Variants in GYS1 observed in about 807,000 individuals in gnomAD.
GYS1 encodes the protein glycogen [starch] synthase, muscle.
In GYS1, 60 loss-of-function variants were observed where a neutral mutation model predicts 89.1. That is an observed-to-expected ratio of 0.67 (90% CI 0.55 to 0.84). The LOEUF (loss-of-function observed/expected upper bound fraction) is 0.84. GYS1 is among the 40% of genes least tolerant of loss of function. GYS1 has a pLI of 0.00. For synonymous variants in GYS1, 366 were observed against 401.7 expected, an observed-to-expected ratio of 0.91 and a Z score of 1.06; for missense variants, 888 against 1,003.1, an observed-to-expected ratio of 0.89 and a Z score of 1.55.
At chr19:48,970,188 G>A (rs2038537189) in intron 14 of GYS1, 11 of 468,190 alleles carry the variant, frequency 2.3e-5, no homozygotes, top group Middle Eastern at 1.2e-3. Context: ...CAGTGGGTTT[G>A]AACAAGGCTC....
intron 7 of GYS1, 52 bp downstream of exon 7, chr19:48,982,203 G>C (rs1454375511): frequency 6.3e-7 from 1 of 1,597,482 alleles, no homozygotes; most frequent in African/African-American, 1.3e-5. Flanking sequence ...GTTCTCCCTA[G>C]TTATAAACTG....
intron 10 of GYS1, among the ~76,000 whole-genome samples, chr19:48,975,163 C>T (rs2038625802): frequency 6.6e-6 from 1 of 151,840 alleles, no homozygotes; most frequent in Non-Finnish European, 1.5e-5. Context: ...GATCTCCTGA[C>T]CTCGTGATCC....
At chr19:48,977,810 G>A (rs2038682038) in intron 10 of GYS1, 114 bp downstream of exon 10, 2 of 797,598 alleles carry the variant, frequency 2.5e-6, no homozygotes, top group Admixed American at 1.9e-5. Flanking sequence ...CTTCATAAAG[G>A]GCTGCAGGAG....
Position 48,974,139 on chromosome 19 carries a change from A to G in GYS1, c.1549+74T>C. The G allele has an allele frequency of 4.7e-6, 7 of 1,477,966 alleles. No homozygotes were observed. The Admixed American group carries it at 1.4e-4, about 29-fold the overall frequency. The allele number at this position is 1,477,966 out of a possible 1,614,324, so 91.6% of individuals were successfully genotyped here. On this transcript the variant is annotated intron_variant, in intron 12 of 15. Coordinates refer to ENST00000323798, the MANE Select transcript of GYS1 (RefSeq NM_002103.5). The stretch of plus-strand genomic sequence containing the variant: ...GAAGGCAACAGGCTCAGAGAAGGCC[A>G]GTGCCTCGCCCCAAGACATGCTAGC...
rs1439335380 is a variant in GYS1, at chr19:48,991,864, G to C, written c.119-381C>G. Reference sequence around the variant, plus strand: ...TGACTACCCGGACTCAGGTTCCCGAGTTCCCAGCTCACAGGAGCTGGGTTT... The same window carrying C: ...TGACTACCCGGACTCAGGTTCCCGACTTCCCAGCTCACAGGAGCTGGGTTT... On this transcript the variant is annotated intron_variant, in intron 1 of 15. Transcript: ENST00000323798. The surrounding 1 kb of genome is among the most constrained non-coding windows in gnomAD (Gnocchi z 4.7). 6.6e-6 allele frequency among the ~76,000 whole-genome samples: 1 copy of C among 152,076 alleles called. No homozygotes were observed. Among genetic ancestry groups the C allele is most frequent in the African/African-American group, 2.4e-5 (1 of 41,374 alleles).
At chr19:48,988,700 G>A (rs535169158) in intron 2 of GYS1, among the ~76,000 whole-genome samples, 7 of 152,140 alleles carry the variant, frequency 4.6e-5, no homozygotes, top group Admixed American at 2.0e-4. Context: ...CTGAAGCTTC[G>A]ATCTCCCAGG....
In GYS1 at chr19:48,970,539, G is replaced by A. The variant is rs750481025; in HGVS notation, c.1809+7C>T. 8 of 1,612,460 alleles carry A rather than the reference G, an allele frequency of 5.0e-6. No homozygotes were observed. Among genetic ancestry groups the A allele is most frequent in the Non-Finnish European group, 6.8e-6 (8 of 1,179,210 alleles). ...GCCAGGAGAGGATAGGAAAGTGGGG[G>A]TCCTACCCGGCCTAGGTATTTCCAG... On this transcript the variant is annotated splice_region_variant and intron_variant, in intron 14 of 15. Coordinates refer to ENST00000323798, the MANE Select transcript of GYS1 (RefSeq NM_002103.5).
chr19:48,985,785 C>T, intron 4 of GYS1, 65 bp downstream of exon 4: 2 of 1,575,886 alleles, frequency 1.3e-6, no homozygotes, highest in Non-Finnish European at 1.7e-6. Flanking sequence ...TCCCCTTGGG[C>T]CCCCCAGAGC....
chr19:48,970,338 CTT>C (rs1040865279), intron 14 of GYS1: 17 of 578,438 alleles, frequency 2.9e-5, no homozygotes, highest in Non-Finnish European at 5.2e-5. Flanking sequence ...AGGCTGGTCT[CTT>C]AACTCCTGAG....
chr19:48,991,518 C>T lies in GYS1; in HGVS notation c.119-35G>A, dbSNP rs1183866375. ...CAAGCGTGTGAGGGCAGGCCCCGGC[C>T]GAGGTCCATAGTTCTGGGGCCTGGG... is the stretch of plus-strand genomic sequence containing the variant. On this transcript the variant is annotated intron_variant, in intron 1 of 15. Coordinates refer to ENST00000323798, the MANE Select transcript of GYS1 (RefSeq NM_002103.5). This position sits in a 1 kb window ranked among gnomAD's most constrained non-coding sequence, Gnocchi z 4.7. 6 of 1,522,616 alleles carry T rather than the reference C, an allele frequency of 3.9e-6. No homozygotes were observed. Among genetic ancestry groups the T allele is most frequent in the African/African-American group, 1.4e-5 (1 of 72,512 alleles). 94.3% of individuals were successfully genotyped at this position (1,522,616 alleles called of 1,614,324 possible). A position where few individuals can be genotyped will look rare whatever the true frequency, so the allele number is the denominator to read the frequency against.
intron 5 of GYS1, among the ~76,000 whole-genome samples, chr19:48,985,197 A>G (rs1335139421): frequency 6.6e-6 from 1 of 152,072 alleles, no homozygotes; most frequent in Admixed American, 6.6e-5. Flanking sequence ...GGATACAGGC[A>G]CACACCATGT....
In GYS1 at chr19:48,991,572, CTCAGG is replaced by C; in HGVS notation, c.119-94_119-90del. On this transcript the variant is annotated intron_variant, in intron 1 of 15. Transcript: ENST00000323798. This position sits in a 1 kb window ranked among gnomAD's most constrained non-coding sequence, Gnocchi z 4.7. ...GGGTGGGCCGGGGATGTAGGGGGCACTCAGGCCCCAGACCTCTAGCTCAGGGGGAA... is the reference window on the plus strand; with the variant it reads ...GGGTGGGCCGGGGATGTAGGGGGCACCCCCAGACCTCTAGCTCAGGGGGAA... 11 of 1,399,054 alleles carry C rather than the reference CTCAGG, an allele frequency of 7.9e-6. No homozygotes were observed. Among genetic ancestry groups the C allele is most frequent in the Non-Finnish European group, 1.1e-5 (11 of 992,900 alleles). The allele number at this position is 1,399,054 out of a possible 1,614,324, so 86.7% of individuals were successfully genotyped here. A position where few individuals can be genotyped will look rare whatever the true frequency, so the allele number is the denominator to read the frequency against.
At chr19:48,973,126 T>C (rs997491357) in intron 12 of GYS1, among the ~76,000 whole-genome samples, 5 of 152,182 alleles carry the variant, frequency 3.3e-5, no homozygotes, top group Non-Finnish European at 7.3e-5. Context: ...GTTCTCATGA[T>C]AGTGAGTGAA....
Position 48,969,623 on chromosome 19 carries a change from G to C in GYS1, c.1891-12C>G. 6.5e-7 allele frequency: 1 copy of C among 1,548,764 alleles called. No individual in the cohort carries two copies. Among genetic ancestry groups the C allele is most frequent in the African/African-American group, 1.4e-5 (1 of 73,252 alleles). On this transcript the variant is annotated splice_polypyrimidine_tract_variant and intron_variant, in intron 15 of 15. Coordinates refer to ENST00000323798, the MANE Select transcript of GYS1 (RefSeq NM_002103.5). ...CGGTACCCCTGGGCCTGCATACGGCGATGTGGGTGCAAACCAGGGTGAGCT... is the reference window on the plus strand; with the variant it reads ...CGGTACCCCTGGGCCTGCATACGGCCATGTGGGTGCAAACCAGGGTGAGCT...
Position 48,991,560 on chromosome 19 carries a change from A to T in GYS1, c.119-77T>A. ...GGGCCTGGGGTGGGGTGGGCCGGGG[A>T]TGTAGGGGGCACTCAGGCCCCAGAC... On this transcript the variant is annotated intron_variant, in intron 1 of 15. Coordinates refer to ENST00000323798, the MANE Select transcript of GYS1 (RefSeq NM_002103.5). This position sits in a 1 kb window ranked among gnomAD's most constrained non-coding sequence, Gnocchi z 4.7. 6.7e-7 allele frequency: 1 copy of T among 1,482,406 alleles called. No homozygotes were observed. Among genetic ancestry groups the T allele is most frequent in the Non-Finnish European group, 9.4e-7 (1 of 1,066,170 alleles). The allele number at this position is 1,482,406 out of a possible 1,614,324, so 91.8% of individuals were successfully genotyped here. A position where few individuals can be genotyped will look rare whatever the true frequency, so the allele number is the denominator to read the frequency against.
chr19:48,979,336 CTTTTTTTTTTTTTTTTTTTTTTTTTTTT>C (rs777178030), intron 8 of GYS1, among the ~76,000 whole-genome samples: 7 of 92,748 alleles, frequency 7.5e-5, no homozygotes, highest in Non-Finnish European at 1.3e-4. Flanking sequence ...TTTTTCTTTT[CTTTTTTTTTTTTTTTTTTTTTTTTTTTT>C]TTTTTTTTTT....
At chr19:48,971,554 G>C (rs145924200) in intron 12 of GYS1, among the ~76,000 whole-genome samples, 318 of 149,966 alleles carry the variant, frequency 2.1e-3, no homozygotes, top group African/African-American at 7.2e-3. Context: ...GGATTTTTAT[G>C]CTTTTTTTTT....
intron 12 of GYS1, among the ~76,000 whole-genome samples, chr19:48,973,030 T>TC (rs1277446556): frequency 2.6e-5 from 4 of 151,878 alleles, no homozygotes; most frequent in African/African-American, 4.8e-5. Context: ...GACTCTGTGT[T>TC]CCCCCCCAAA....
At position 48,968,480 on chromosome 19, in the gene GYS1, A is replaced by G. The variant is rs1229573443; in HGVS notation, c.*808T>C. The G allele has an allele frequency of 4.4e-6, 2 of 454,574 alleles. No homozygotes were observed. The highest frequency in any genetic ancestry group is 4.7e-5 in the Admixed American group (2 of 42,566). The allele number at this position is 454,574 out of a possible 1,614,324, so 28.2% of individuals were successfully genotyped here. ...AGCCAGGTTAGGGGTGGGGGAAGAC[A>G]GCCAGCTCTGTCCTCTGCAGGCGGA... On this transcript the variant is annotated 3_prime_UTR_variant, in exon 16 of 16. Transcript: ENST00000323798.
Sources: allele counts gnomAD v4.1 joint callset (sites outside exome capture counted in the v4.1 genomes callset), GRCh38; gene constraint gnomAD v4.1.1; non-coding constraint Gnocchi (gnomAD v3.1); transcripts MANE v1.5; gene names NCBI Gene and HGNC (gene_info 2026-07-23, HGNC 2026-07-21).